The following KCNIP4 variants were observed in gnomAD, a reference collection of about 807,000 sequenced individuals.
The protein encoded by KCNIP4 is potassium voltage-gated channel interacting protein 4.
KCNIP4 carries 12 observed loss-of-function variants against 34.0 expected under a neutral mutation model. That is an observed-to-expected ratio of 0.35 (90% CI 0.23 to 0.57). KCNIP4 has a LOEUF of 0.57. Ranked by LOEUF, KCNIP4 falls within the 20% of genes least tolerant of loss-of-function variation. The pLI is 0.83. For missense variants in KCNIP4, 238 were observed against 311.7 expected, an observed-to-expected ratio of 0.76 and a Z score of 1.78; for synonymous variants, 124 against 102.2, an observed-to-expected ratio of 1.21 and a Z score of -1.29.
intron 2 of KCNIP4, among the ~76,000 whole-genome samples, chr4:20,863,808 G>A (rs112055308): frequency 6.6e-6 from 1 of 152,152 alleles, no homozygotes; most frequent in African/African-American, 2.4e-5. Flanking sequence ...TGTGACACGA[G>A]TTTACCTAAT....
At chr4:21,170,886 T>A (rs961531289) in intron 1 of KCNIP4, among the ~76,000 whole-genome samples, 1 of 152,206 alleles carries the variant, frequency 6.6e-6, no homozygotes, top group African/African-American at 2.4e-5. Flanking sequence ...CTCCTTGCAT[T>A]AGATGAATCC....
chr4:21,413,163 G>A (rs145736557), intron 1 of KCNIP4, among the ~76,000 whole-genome samples: 2 of 152,310 alleles, frequency 1.3e-5, no homozygotes, highest in East Asian at 3.9e-4. Context: ...TTGTTAGGGG[G>A]AGGCTATCTC....
intron 1 of KCNIP4, among the ~76,000 whole-genome samples, chr4:21,675,688 A>G (rs554722617): frequency 7.0e-4 from 107 of 152,320 alleles, no homozygotes; most frequent in African/African-American, 2.4e-3. Context: ...GTTGAGTTTC[A>G]TATGTTTTCT....
At chr4:21,466,105 C>T (rs758137718) in intron 1 of KCNIP4, among the ~76,000 whole-genome samples, 1 of 152,172 alleles carries the variant, frequency 6.6e-6, no homozygotes, top group South Asian at 2.1e-4. Flanking sequence ...CTACCCACTA[C>T]CCCTAGAGAT....
chr4:20,883,623 C>T (rs138120644), intron 1 of KCNIP4, among the ~76,000 whole-genome samples: 13 of 152,182 alleles, frequency 8.5e-5, no homozygotes, highest in South Asian at 2.1e-4. Context: ...AAAGCATCAG[C>T]GCAGAAAACA....
At chr4:21,121,174 C>T (rs1004710061) in intron 1 of KCNIP4, among the ~76,000 whole-genome samples, 1 of 152,218 alleles carries the variant, frequency 6.6e-6, no homozygotes, top group Non-Finnish European at 1.5e-5. Context: ...TATTCCAATC[C>T]ATACACAACC....
At chr4:20,840,098 C>T (rs999241301) in intron 3 of KCNIP4, among the ~76,000 whole-genome samples, 66 of 152,206 alleles carry the variant, frequency 4.3e-4, no homozygotes, top group African/African-American at 1.5e-3. Context: ...AAGTACTGAA[C>T]GTCTAATGGC....
chr4:20,834,698 G>C (rs1365281244), intron 3 of KCNIP4, among the ~76,000 whole-genome samples: 4 of 152,176 alleles, frequency 2.6e-5, no homozygotes, highest in Admixed American at 6.5e-5. Context: ...GGAAATGCTG[G>C]AAAAGCATGG....
chr4:21,367,349 T>A (rs750621137), intron 1 of KCNIP4, among the ~76,000 whole-genome samples: 5 of 152,164 alleles, frequency 3.3e-5, no homozygotes, highest in Non-Finnish European at 5.9e-5. Flanking sequence ...ACTTCTACCT[T>A]TTTGCACCCA....
intron 1 of KCNIP4, among the ~76,000 whole-genome samples, chr4:21,028,374 C>G (rs901697501): frequency 1.3e-5 from 2 of 152,190 alleles, no homozygotes; most frequent in African/African-American, 4.8e-5. Context: ...CTGATTTTTA[C>G]TTGCTCAGAC....
chr4:20,909,823 A>G (rs1472884117), intron 1 of KCNIP4, among the ~76,000 whole-genome samples: 1 of 152,166 alleles, frequency 6.6e-6, no homozygotes, highest in African/African-American at 2.4e-5. Context: ...AGTCATGACT[A>G]GTACATCCTT....
chr4:21,314,925 T>A (rs1477154661), intron 1 of KCNIP4, among the ~76,000 whole-genome samples: 2 of 152,198 alleles, frequency 1.3e-5, no homozygotes, highest in Non-Finnish European at 2.9e-5. Context: ...GTTTTATTTT[T>A]ATTTTTCCTG....
intron 1 of KCNIP4, among the ~76,000 whole-genome samples, chr4:20,904,323 G>T (rs1053772318): frequency 4.0e-5 from 5 of 125,872 alleles, no homozygotes; most frequent in African/African-American, 1.3e-4. Flanking sequence ...ATATGTATGT[G>T]TGTGTGTGTA....
intron 1 of KCNIP4, among the ~76,000 whole-genome samples, chr4:21,787,859 T>C (rs1301422717): frequency 6.6e-6 from 1 of 152,216 alleles, no homozygotes; most frequent in Non-Finnish European, 1.5e-5. Flanking sequence ...TGGCATATAA[T>C]TGTATATCGG....
chr4:21,857,995 C>A (rs1216326875), intron 1 of KCNIP4, among the ~76,000 whole-genome samples: 1 of 152,220 alleles, frequency 6.6e-6, no homozygotes, highest in Non-Finnish European at 1.5e-5. Context: ...CCTGGTCCAG[C>A]AGCAGCCTCA....
intron 1 of KCNIP4, among the ~76,000 whole-genome samples, chr4:21,358,153 A>C (rs955560003): frequency 1.3e-5 from 2 of 152,042 alleles, no homozygotes; most frequent in East Asian, 3.9e-4. Context: ...AGAACATCAC[A>C]CAGCGGGGCC....
intron 1 of KCNIP4, among the ~76,000 whole-genome samples, chr4:21,012,281 G>A (rs1160001866): frequency 6.6e-6 from 1 of 152,038 alleles, no homozygotes; most frequent in Non-Finnish European, 1.5e-5. Flanking sequence ...AGGGTTCAAG[G>A]TAAAGAATCT....
chr4:21,508,421 C>T (rs899021529), intron 1 of KCNIP4, among the ~76,000 whole-genome samples: 2 of 152,136 alleles, frequency 1.3e-5, no homozygotes, highest in African/African-American at 4.8e-5. Context: ...AGCTTCTGCA[C>T]CTTTAATCAG....
chr4:21,294,936 T>A (rs1763751103), intron 1 of KCNIP4, among the ~76,000 whole-genome samples: 1 of 152,218 alleles, frequency 6.6e-6, no homozygotes, highest in African/African-American at 2.4e-5. Flanking sequence ...TTGTCTTCTT[T>A]TTTTGTGTGT....
Sources: gnomAD v4.1 joint callset for allele counts (sites outside exome capture counted in the v4.1 genomes callset) on GRCh38, gnomAD v4.1.1 for gene constraint, MANE v1.5 for transcripts, NCBI Gene and HGNC (gene_info 2026-07-23, HGNC 2026-07-21) for gene names.